The following ZFHX3 variants were observed in gnomAD, a reference collection of about 807,000 sequenced individuals.
ZFHX3 encodes zinc finger homeobox protein 3.
ZFHX3 carries 42 observed loss-of-function variants against 279.1 expected under a neutral mutation model. The ratio of observed to expected loss-of-function variants is 0.15; its 90% CI spans 0.12 to 0.19. The LOEUF is 0.19. Among genes scored for constraint, ZFHX3 ranks in the 10% least tolerant of loss-of-function variants. The pLI is 1.00. For synonymous variants in ZFHX3, 2,293 were observed against 1,957.8 expected (o/e 1.17, Z -4.52); for missense variants, 4,981 against 4,754.0 (o/e 1.05, Z -1.40).
chr16:72,858,672 C>G (rs1445727204), intron 4 of ZFHX3, among the ~76,000 whole-genome samples: 1 of 152,200 alleles, frequency 6.6e-6, no homozygotes, highest in Non-Finnish European at 1.5e-5. Context: ...CATGATTACC[C>G]CTTGGAGGCG....
At chr16:73,837,573 GCA>G (rs1207888314) in intron 1 of ZFHX3, among the ~76,000 whole-genome samples, 3 of 152,286 alleles carry the variant, frequency 2.0e-5, no homozygotes, top group African/African-American at 7.2e-5. Flanking sequence ...ATTCTTGGAA[GCA>G]CACACACACT....
At chr16:72,886,726 G>C (rs1019813027) in intron 4 of ZFHX3, among the ~76,000 whole-genome samples, 11 of 152,284 alleles carry the variant, frequency 7.2e-5, no homozygotes, top group South Asian at 4.1e-4. Context: ...GTAGAAAGAA[G>C]GAGAATCCGG....
chr16:73,473,360 A>AAC (rs1451431675), intron 2 of ZFHX3, among the ~76,000 whole-genome samples: 42 of 55,062 alleles, frequency 7.6e-4, no homozygotes, highest in East Asian at 2.5e-3. Flanking sequence ...AAAAAAAACA[A>AAC]AAAAAAAAAA....
intron 5 of ZFHX3, among the ~76,000 whole-genome samples, chr16:73,228,164 T>C (rs908994425): frequency 2.6e-5 from 4 of 152,202 alleles, no homozygotes; most frequent in Non-Finnish European, 5.9e-5. Context: ...AACTAAGTTA[T>C]TGATAATCTG....
At chr16:73,429,859 T>G (rs903759075) in intron 3 of ZFHX3, among the ~76,000 whole-genome samples, 1 of 152,002 alleles carries the variant, frequency 6.6e-6, no homozygotes, top group African/African-American at 2.4e-5. Flanking sequence ...CTTCCCTGAC[T>G]TGTGTAATTG....
intron 4 of ZFHX3, among the ~76,000 whole-genome samples, chr16:73,257,395 T>C (rs573640503): frequency 1.3e-5 from 2 of 152,314 alleles, no homozygotes; most frequent in African/African-American, 4.8e-5. Context: ...GATTAGCCCA[T>C]GGACTTGACT....
intron 4 of ZFHX3, among the ~76,000 whole-genome samples, chr16:72,836,447 C>T (rs16971321): frequency 0.033 from 5,048 of 152,220 alleles, 608 homozygotes; most frequent in East Asian, 0.28. Flanking sequence ...AACTTCCAAG[C>T]GATTAGGTCT....
At chr16:73,591,701 A>C (rs2143843902) in intron 2 of ZFHX3, among the ~76,000 whole-genome samples, 1 of 148,486 alleles carries the variant, frequency 6.7e-6, no homozygotes. Context: ...TCAAAAAAAA[A>C]AAAAAAAAAA....
At chr16:73,009,074 T>A (rs1251826699) in intron 1 of ZFHX3, among the ~76,000 whole-genome samples, 2 of 152,178 alleles carry the variant, frequency 1.3e-5, no homozygotes, top group African/African-American at 4.8e-5. Flanking sequence ...TTTCCCATTT[T>A]ACAATTACTA....
chr16:73,156,955 G>A (rs8051872), intron 5 of ZFHX3, among the ~76,000 whole-genome samples: 65,084 of 151,974 alleles, frequency 0.43, 14,634 homozygotes, highest in Admixed American at 0.55. Flanking sequence ...CTCGTGATCT[G>A]CCCACCTCGG....
At chr16:73,597,793 G>T (rs1386396694) in intron 2 of ZFHX3, among the ~76,000 whole-genome samples, 1 of 152,186 alleles carries the variant, frequency 6.6e-6, no homozygotes, top group Non-Finnish European at 1.5e-5. Flanking sequence ...GTGAGAAAAT[G>T]AATTTCTATT....
intron 2 of ZFHX3, among the ~76,000 whole-genome samples, chr16:73,621,220 G>A (rs746904771): frequency 2.6e-5 from 4 of 152,066 alleles, no homozygotes; most frequent in South Asian, 4.1e-4. Context: ...GCCTCTTATC[G>A]TTTCCCTTCC....
intron 2 of ZFHX3, among the ~76,000 whole-genome samples, chr16:73,667,668 A>G (rs2052858580): frequency 6.6e-6 from 1 of 152,202 alleles, no homozygotes; most frequent in Non-Finnish European, 1.5e-5. Flanking sequence ...GAACTATACC[A>G]ACAGGAAGGA....
chr16:73,581,494 T>C (rs2051860115), intron 2 of ZFHX3, among the ~76,000 whole-genome samples: 1 of 151,770 alleles, frequency 6.6e-6, no homozygotes, highest in Non-Finnish European at 1.5e-5. Context: ...GGATGCTTGT[T>C]ACTTTCAGAT....
intron 2 of ZFHX3, among the ~76,000 whole-genome samples, chr16:73,610,249 C>T (rs1303843537): frequency 6.6e-6 from 1 of 152,122 alleles, no homozygotes; most frequent in Non-Finnish European, 1.5e-5. Flanking sequence ...TGGAGAGCGG[C>T]CGGGCCTGAT....
At chr16:73,298,577 T>C (rs1485165585) in intron 4 of ZFHX3, among the ~76,000 whole-genome samples, 1 of 148,282 alleles carries the variant, frequency 6.7e-6, no homozygotes. Context: ...GGCAATAAGG[T>C]AGAAAGCTCA....
intron 2 of ZFHX3, among the ~76,000 whole-genome samples, chr16:73,608,268 CTGGT>C: frequency 6.6e-6 from 1 of 152,186 alleles, no homozygotes; most frequent in South Asian, 2.1e-4. Flanking sequence ...TTTCTTGAAG[CTGGT>C]CCCATATTCT....
chr16:73,409,877 T>G (rs897349712), intron 3 of ZFHX3, among the ~76,000 whole-genome samples: 1 of 151,890 alleles, frequency 6.6e-6, no homozygotes, highest in African/African-American at 2.4e-5. Context: ...AAACTTCACA[T>G]GTTCTCACCT....
chr16:73,819,052 A>G (rs1960660353), intron 1 of ZFHX3, among the ~76,000 whole-genome samples: 1 of 152,136 alleles, frequency 6.6e-6, no homozygotes. Context: ...CTCCTGTGCA[A>G]CTGGGTGCTC....
Sources: allele counts gnomAD v4.1 joint callset (sites outside exome capture counted in the v4.1 genomes callset), GRCh38; gene constraint gnomAD v4.1.1; transcripts MANE v1.5; gene names NCBI Gene and HGNC (gene_info 2026-07-23, HGNC 2026-07-21).